The following EWSR1 variants were observed in gnomAD, a reference collection of about 807,000 sequenced individuals.
EWSR1 encodes EWS RNA binding protein 1.
EWSR1 carries 14 observed loss-of-function variants against 92.1 expected under a neutral mutation model. That is an observed-to-expected ratio of 0.15 (90% CI 0.10 to 0.24). The LOEUF (loss-of-function observed/expected upper bound fraction) is 0.24, where lower values mean the gene tolerates loss of function less well. Among genes scored for constraint, EWSR1 ranks in the 10% least tolerant of loss-of-function variants. The pLI, the probability that EWSR1 is intolerant of heterozygous loss-of-function variation, is 1.00. For missense variants in EWSR1, 637 were observed against 870.9 expected (o/e 0.73, Z 3.38); for synonymous variants, 303 against 292.9 (o/e 1.03, Z -0.35).
intron 11 of EWSR1, chr22:29,295,530 T>A: frequency 4.6e-6 from 1 of 217,584 alleles, no homozygotes; most frequent in Non-Finnish European, 9.2e-6. Context: ...TTTTCAGTTT[T>A]TAGGTATCAC....
intron 11 of EWSR1, 141 bp from the exon 12 acceptor site, chr22:29,296,098 A>G (rs1316001990): frequency 1.1e-6 from 1 of 871,378 alleles, no homozygotes; most frequent in Non-Finnish European, 1.7e-6. Flanking sequence ...AGAATTCTGA[A>G]AAACTTAAAA....
intron 1 of EWSR1, among the ~76,000 whole-genome samples, chr22:29,270,537 T>C (rs559137951): frequency 1.3e-5 from 2 of 152,220 alleles, no homozygotes; most frequent in Non-Finnish European, 2.9e-5. Context: ...ACAAATTTGC[T>C]ACCTTCTATA....
intron 9 of EWSR1, 170 bp from the exon 10 acceptor site, chr22:29,291,967 C>A (rs1007812768): frequency 6.0e-6 from 4 of 663,092 alleles, no homozygotes; most frequent in Non-Finnish European, 7.9e-6. Flanking sequence ...CCTAGCAAAC[C>A]TTTCACAAAT....
intron 11 of EWSR1, among the ~76,000 whole-genome samples, chr22:29,294,786 C>T (rs963449488): frequency 3.0e-4 from 46 of 151,286 alleles, no homozygotes; most frequent in African/African-American, 1.0e-3. Flanking sequence ...TGGTGACACG[C>T]GCCTGTAGTT....
At chr22:29,272,704 G>A (rs528305844) in intron 3 of EWSR1, among the ~76,000 whole-genome samples, 1 of 152,272 alleles carries the variant, frequency 6.6e-6, no homozygotes, top group African/African-American at 2.4e-5. Context: ...TCTTCATTAT[G>A]TTTAAATTTA....
intron 6 of EWSR1, among the ~76,000 whole-genome samples, chr22:29,284,868 G>A (rs2059900973): frequency 6.6e-6 from 1 of 151,238 alleles, no homozygotes; most frequent in South Asian, 2.1e-4. Context: ...TACCTAGGCT[G>A]GAGTGCAATG....
intron 11 of EWSR1, 101 bp from the exon 12 acceptor site, chr22:29,296,138 C>T: frequency 8.4e-7 from 1 of 1,186,942 alleles, no homozygotes; most frequent in Non-Finnish European, 1.2e-6. Flanking sequence ...TAGTGACTTA[C>T]TACATGTGAG....
intron 13 of EWSR1, 129 bp downstream of exon 13, chr22:29,298,078 A>G (rs750183864): frequency 2.6e-5 from 28 of 1,069,100 alleles, no homozygotes; most frequent in Non-Finnish European, 3.6e-5. Flanking sequence ...ATCGAGAGCT[A>G]ACAATGAATG....
At chr22:29,283,459 A>T (rs191847768) in intron 6 of EWSR1, among the ~76,000 whole-genome samples, 2 of 145,458 alleles carry the variant, frequency 1.4e-5, no homozygotes, top group East Asian at 3.9e-4. Context: ...AGGGATTCTC[A>T]TGCCTCAGCC....
chr22:29,282,776 C>G (rs1213378239), intron 6 of EWSR1, among the ~76,000 whole-genome samples: 1 of 138,056 alleles, frequency 7.2e-6, no homozygotes, highest in Non-Finnish European at 1.6e-5. Flanking sequence ...TTTTTTTTTT[C>G]CCCCGAGACG....
chr22:29,298,000 A>G lies in EWSR1; in HGVS notation c.1417+51A>G, dbSNP rs3747142. On this transcript the variant is annotated intron_variant, in intron 13 of 16. Coordinates refer to ENST00000397938, the MANE Select transcript of EWSR1 (RefSeq NM_005243.4). ...CATTAAAAGGTTTTCAGTACACTTC[A>G]TACCCTTGAGAAACTTGATTATTAG... The G allele has an allele frequency of 0.18, 275,095 of 1,561,482 alleles. 27,423 individuals carry two copies. Among genetic ancestry groups the G allele is most frequent in the East Asian group, 0.35 (15,275 of 44,198 alleles).
intron 8 of EWSR1, chr22:29,290,290 G>GTA: frequency 5.6e-6 from 5 of 889,284 alleles, no homozygotes; most frequent in Non-Finnish European, 8.6e-6. Context: ...TCAGTGTCTT[G>GTA]TACAGGTAAG....
At chr22:29,279,250 C>G (rs553641260) in intron 5 of EWSR1, among the ~76,000 whole-genome samples, 26 of 152,240 alleles carry the variant, frequency 1.7e-4, no homozygotes, top group African/African-American at 6.3e-4. Context: ...TAACCGCTTT[C>G]TCTTTGGCAA....
intron 14 of EWSR1, 103 bp downstream of exon 14, chr22:29,298,998 G>A (rs760503318): frequency 4.7e-5 from 64 of 1,367,096 alleles, no homozygotes; most frequent in Non-Finnish European, 6.3e-5. Context: ...GGAACAGAAT[G>A]ATGACCCTGA....
At chr22:29,269,950 A>G (rs1293687420) in intron 1 of EWSR1, among the ~76,000 whole-genome samples, 1 of 152,262 alleles carries the variant, frequency 6.6e-6, no homozygotes, top group Non-Finnish European at 1.5e-5. Flanking sequence ...CTGTTGACAC[A>G]AAGTAAACAC....
chr22:29,275,339 A>G (rs1283806050), intron 4 of EWSR1, among the ~76,000 whole-genome samples: 1 of 152,230 alleles, frequency 6.6e-6, no homozygotes, highest in South Asian at 2.1e-4. Context: ...AGGCAAATTA[A>G]TGGTTCTCTA....
At chr22:29,294,372 C>T (rs1037537843) in intron 11 of EWSR1, among the ~76,000 whole-genome samples, 4 of 151,850 alleles carry the variant, frequency 2.6e-5, no homozygotes, top group African/African-American at 4.8e-5. Flanking sequence ...TTTGGGAGGC[C>T]GAGGCGGGTG....
chr22:29,294,545 C>G (rs1214823592), intron 11 of EWSR1, among the ~76,000 whole-genome samples: 1 of 149,802 alleles, frequency 6.7e-6, no homozygotes, highest in African/African-American at 2.5e-5. Context: ...GCGGAGCTTG[C>G]AGTGAGCTGA....
At chr22:29,272,895 GTC>G (rs1423873910) in intron 3 of EWSR1, among the ~76,000 whole-genome samples, 1 of 152,194 alleles carries the variant, frequency 6.6e-6, no homozygotes, top group Non-Finnish European at 1.5e-5. Context: ...CCAGTGAAGA[GTC>G]TGTTGAAAAG....
Sources: gnomAD v4.1 joint callset for allele counts (sites outside exome capture counted in the v4.1 genomes callset) on GRCh38, gnomAD v4.1.1 for gene constraint, MANE v1.5 for transcripts, NCBI Gene and HGNC (gene_info 2026-07-23, HGNC 2026-07-21) for gene names.